Variants in QRSL1 observed in about 807,000 individuals in gnomAD.
QRSL1 encodes glutaminyl-tRNA amidotransferase subunit QRSL1, also known as glutamyl-tRNA(Gln) amidotransferase subunit A, mitochondrial.
In QRSL1, 54 loss-of-function variants were observed where a neutral mutation model predicts 61.6. That is an observed-to-expected ratio of 0.88 (90% CI 0.70 to 1.10). The LOEUF is 1.10. Ranked by LOEUF, QRSL1 falls within the 50% of genes least tolerant of loss-of-function variation. The pLI is 0.00. For missense variants in QRSL1, 505 were observed against 622.6 expected, an observed-to-expected ratio of 0.81 and a Z score of 2.01; for synonymous variants, 228 against 225.7, an observed-to-expected ratio of 1.01 and a Z score of -0.09.
At chr6:106,660,950 TG>T (rs1362791885) in intron 9 of QRSL1, among the ~76,000 whole-genome samples, 1 of 152,166 alleles carries the variant, frequency 6.6e-6, no homozygotes, top group Non-Finnish European at 1.5e-5. Flanking sequence ...ACTGTTTCAG[TG>T]GCAGTTAAAT....
rs766776580 is a variant in QRSL1 at position 106,667,455 on chromosome 6, G to T, written c.*1453G>T. 3 of 152,176 alleles carry T rather than the reference G, an allele frequency of 2.0e-5. No individual in the cohort carries two copies. Among genetic ancestry groups the T allele is most frequent in the Non-Finnish European group, 4.4e-5 (3 of 68,044 alleles). 9.4% of individuals were successfully genotyped at this position (152,176 alleles called of 1,614,324 possible). A position where few individuals can be genotyped will look rare whatever the true frequency, so the allele number is the denominator to read the frequency against. ...TAGAACACCATTGTCATCTCATATT[G>T]ATCAGGTATTTTAATCTAGCACTTA... On this transcript the variant is annotated 3_prime_UTR_variant, in exon 11 of 11. Transcript: ENST00000369046.
intron 1 of QRSL1, among the ~76,000 whole-genome samples, chr6:106,638,335 G>A (rs1049715147): frequency 2.7e-5 from 4 of 150,810 alleles, no homozygotes; most frequent in African/African-American, 7.3e-5. Flanking sequence ...ACAGAGTTTC[G>A]CTTTTGTTGC....
At chr6:106,664,789 T>A (rs757354014) in intron 10 of QRSL1, among the ~76,000 whole-genome samples, 1 of 152,238 alleles carries the variant, frequency 6.6e-6, no homozygotes. Flanking sequence ...AGATGTTTCC[T>A]TATAAAAAGG....
chr6:106,641,676 A>G (rs1327275978), intron 3 of QRSL1, among the ~76,000 whole-genome samples: 1 of 152,244 alleles, frequency 6.6e-6, no homozygotes, highest in Non-Finnish European at 1.5e-5. Flanking sequence ...TTTGGAATAT[A>G]CGCTAGAGCT....
At chr6:106,661,972 A>G (rs1777364116) in intron 9 of QRSL1, among the ~76,000 whole-genome samples, 2 of 152,078 alleles carry the variant, frequency 1.3e-5, no homozygotes, top group African/African-American at 2.4e-5. Context: ...CGGCCTCCCA[A>G]AGTGCTGGGA....
At position 106,667,084 on chromosome 6, in the gene QRSL1, T is replaced by C. The variant is rs1232823870; in HGVS notation, c.*1082T>C. On this transcript the variant is annotated 3_prime_UTR_variant, in exon 11 of 11. Coordinates refer to ENST00000369046, the MANE Select transcript of QRSL1 (RefSeq NM_018292.5). Reference sequence around the variant, plus strand: ...CTCATTAATGTCATCGAAACATTTATTGTAACCTAACAGACCATCACAGAT... The same window carrying C: ...CTCATTAATGTCATCGAAACATTTACTGTAACCTAACAGACCATCACAGAT... 6.6e-6 allele frequency: 1 copy of C among 152,246 alleles called. No homozygotes were observed. The highest frequency in any genetic ancestry group is 1.5e-5 in the Non-Finnish European group (1 of 68,052). The allele number at this position is 152,246 out of a possible 1,614,324, so 9.4% of individuals were successfully genotyped here. A position where few individuals can be genotyped will look rare whatever the true frequency, so the allele number is the denominator to read the frequency against.
chr6:106,648,619 A>G (rs1415727945), intron 4 of QRSL1, among the ~76,000 whole-genome samples: 1 of 152,182 alleles, frequency 6.6e-6, no homozygotes, highest in Non-Finnish European at 1.5e-5. Flanking sequence ...TCTGAGAATA[A>G]AATCATTTCA....
intron 1 of QRSL1, among the ~76,000 whole-genome samples, chr6:106,639,111 G>GTGTTT (rs1776967983): frequency 4.9e-5 from 3 of 60,754 alleles, no homozygotes; most frequent in African/African-American, 1.3e-4. Context: ...TTATTTGTGT[G>GTGTTT]TTTTGTTGTT....
chr6:106,662,570 A>G (rs1014131692), intron 9 of QRSL1, among the ~76,000 whole-genome samples: 3 of 149,932 alleles, frequency 2.0e-5, no homozygotes, highest in African/African-American at 4.9e-5. Context: ...CTGATGCAGG[A>G]TTTTAAAACC....
chr6:106,661,668 G>A (rs1777357240), intron 9 of QRSL1, among the ~76,000 whole-genome samples: 2 of 139,156 alleles, frequency 1.4e-5, no homozygotes, highest in African/African-American at 2.6e-5. Context: ...AAACTGTTGT[G>A]GAAAAGAATG....
intron 3 of QRSL1, among the ~76,000 whole-genome samples, chr6:106,641,905 G>A (rs1777026149): frequency 6.6e-6 from 1 of 152,198 alleles, no homozygotes; most frequent in Non-Finnish European, 1.5e-5. Context: ...TAAAAATAGT[G>A]AAGGCACAGA....
chr6:106,629,578 A>C lies in QRSL1; in HGVS notation c.-104A>C. The C allele has an allele frequency of 7.1e-7, 1 of 1,403,856 alleles. No individual in the cohort carries two copies. Among genetic ancestry groups the C allele is most frequent in the Non-Finnish European group, 9.8e-7 (1 of 1,023,496 alleles). 87.0% of individuals were successfully genotyped at this position (1,403,856 alleles called of 1,614,324 possible). On this transcript the variant is annotated 5_prime_UTR_variant, in exon 1 of 11. Transcript: ENST00000369046. ...CCAAGTACTCGGTGTTGAAGGGCTC[A>C]GTGACAATTAAAGATGGCTGCGCCC... is the stretch of plus-strand genomic sequence containing the variant.
At chr6:106,663,648 C>T (rs147288014) in intron 10 of QRSL1, among the ~76,000 whole-genome samples, 230 of 152,274 alleles carry the variant, frequency 1.5e-3, no homozygotes, top group African/African-American at 5.4e-3. Flanking sequence ...TATGAGAAAC[C>T]GTCCCCATGA....
chr6:106,648,629 A>G (rs919570396), intron 4 of QRSL1, among the ~76,000 whole-genome samples: 1 of 152,220 alleles, frequency 6.6e-6, no homozygotes, highest in Admixed American at 6.5e-5. Context: ...AAATCATTTC[A>G]AAAATTTAAG....
At chr6:106,661,101 A>ATTTGT (rs565041104) in intron 9 of QRSL1, among the ~76,000 whole-genome samples, 4,773 of 149,956 alleles carry the variant, frequency 0.032, 253 homozygotes, top group East Asian at 0.19. Context: ...GAAAACAAGT[A>ATTTGT]TTTGTTTTGT....
Position 106,649,267 on chromosome 6 carries a change from C to T in QRSL1, c.557+66C>T, listed in dbSNP as rs147216432. 13 of 1,512,490 alleles carry T rather than the reference C, an allele frequency of 8.6e-6. No individual in the cohort carries two copies. In the African/African-American group the frequency reaches 1.2e-4, roughly 14 times the overall value. 93.7% of individuals were successfully genotyped at this position (1,512,490 alleles called of 1,614,324 possible). On this transcript the variant is annotated intron_variant, in intron 5 of 10. Transcript: ENST00000369046. ...AATACAAACAGTCATAAACTGTATC[C>T]AGCAATAGAGTAGTTCATATCCTGG...
At chr6:106,645,101 C>T (rs1777087748) in intron 4 of QRSL1, among the ~76,000 whole-genome samples, 1 of 152,168 alleles carries the variant, frequency 6.6e-6, no homozygotes, top group South Asian at 2.1e-4. Context: ...TCCAGTGTCA[C>T]ACCATCTTGA....
intron 1 of QRSL1, among the ~76,000 whole-genome samples, chr6:106,637,712 G>T (rs777974252): frequency 6.6e-6 from 1 of 152,190 alleles, no homozygotes; most frequent in African/African-American, 2.4e-5. Flanking sequence ...GCCAGAGAGA[G>T]AATTTTTTTT....
chr6:106,652,330 A>C lies in QRSL1; in HGVS notation c.679A>C (p.Met227Leu). 2 of 1,614,156 alleles carry C rather than the reference A, an allele frequency of 1.2e-6. No individual in the cohort carries two copies. Among genetic ancestry groups the C allele is most frequent in the Admixed American group, 1.7e-5 (1 of 60,014 alleles). Residue 227 changes from methionine (M) to leucine (L), a missense_variant, in exon 6 of 11, where the codon ATG (methionine) becomes CTG (leucine). Coordinates refer to ENST00000369046, the MANE Select transcript of QRSL1 (RefSeq NM_018292.5). ...TGGTCTCATTCCCCTGGTGAATTCG[A>C]TGGATGTGCCAGGAATCTTAACCAG... is the stretch of plus-strand genomic sequence containing the variant. ...RHGLIPLVNS[M>L]DVPGILTRCV...
Sources: allele counts gnomAD v4.1 joint callset (sites outside exome capture counted in the v4.1 genomes callset), GRCh38; gene constraint gnomAD v4.1.1; transcripts MANE v1.5; gene names NCBI Gene and HGNC (gene_info 2026-07-23, HGNC 2026-07-21).